Variants in TMCC1 observed in about 807,000 individuals in gnomAD.
The protein encoded by TMCC1 is transmembrane and coiled-coil domain family 1.
TMCC1 carries 15 observed loss-of-function variants against 52.4 expected under a neutral mutation model. The observed-to-expected ratio is 0.29, with a 90% CI of 0.19 to 0.44. TMCC1 has a LOEUF of 0.44. Among genes scored for constraint, TMCC1 ranks in the 20% least tolerant of loss-of-function variants. TMCC1 has a pLI of 1.00. For missense variants in TMCC1, 503 were observed against 806.0 expected, an observed-to-expected ratio of 0.62 and a Z score of 4.55; for synonymous variants, 279 against 301.9, an observed-to-expected ratio of 0.92 and a Z score of 0.79.
At chr3:129,750,716 A>AG (rs927670702) in intron 4 of TMCC1, among the ~76,000 whole-genome samples, 4 of 149,698 alleles carry the variant, frequency 2.7e-5, no homozygotes, top group African/African-American at 9.8e-5. Context: ...CTGGGACTAC[A>AG]GGGGCCTGCC....
chr3:129,759,585 GT>G lies in TMCC1; in HGVS notation c.576+68217del, dbSNP rs368094253. On this transcript the variant is annotated intron_variant, in intron 4 of 6. Transcript: ENST00000393238. ...GCCAGGCCTATGACCATTTTTGAGA[GT>G]TTTTTTTTTTTTTAAGAGACATGTT... Among the ~76,000 whole-genome samples the G allele has an allele frequency of 7.5e-4, 102 of 136,294 alleles. 1 individual carries two copies. The South Asian group carries it at 8.8e-3, about 12-fold the overall frequency. The allele number at this position is 136,294 out of a possible 152,430, so 89.4% of individuals were successfully genotyped here.
rs562761738 is a variant in TMCC1 at position 129,717,404 on chromosome 3, T to C, written c.577-46140A>G. On this transcript the variant is annotated intron_variant, in intron 4 of 6. Transcript: ENST00000393238. ...CTAGATTTTCCTCTTCTCTCATAGG[T>C]CAATCTTCTTCCTTTTCTTCTTCTC... Among the ~76,000 whole-genome samples the C allele has an allele frequency of 3.3e-5, 5 of 152,268 alleles. No homozygotes were observed. The East Asian group carries it at 7.7e-4, about 24-fold the overall frequency.
At chr3:129,759,846 T>C (rs1001197296) in intron 4 of TMCC1, among the ~76,000 whole-genome samples, 1 of 147,818 alleles carries the variant, frequency 6.8e-6, no homozygotes, top group African/African-American at 2.5e-5. Flanking sequence ...CTCAGCCTCC[T>C]GAGTAGCTGG....
In TMCC1 at chr3:129,710,770, ACT is replaced by A. The variant is rs200251680; in HGVS notation, c.577-39508_577-39507del. ...AAGAAGATATTGAATCTAATGGGAA[ACT>A]CTCTCTGTAAAAGACACTAAGTCCA... is the stretch of plus-strand genomic sequence containing the variant. On this transcript the variant is annotated intron_variant, in intron 4 of 6. Transcript: ENST00000393238. Among the ~76,000 whole-genome samples, 1,146 of 152,104 alleles carry A rather than the reference ACT, an allele frequency of 7.5e-3. 6 individuals carry two copies. The highest frequency in any genetic ancestry group is 0.011 in the Non-Finnish European group (748 of 67,982).
chr3:129,837,258 G>C (rs898586684), intron 2 of TMCC1, among the ~76,000 whole-genome samples: 1 of 151,976 alleles, frequency 6.6e-6, no homozygotes, highest in Non-Finnish European at 1.5e-5. Context: ...GAACATCACA[G>C]AACTCCCCTC....
intron 4 of TMCC1, among the ~76,000 whole-genome samples, chr3:129,769,370 C>T (rs909574184): frequency 1.3e-5 from 2 of 152,124 alleles, no homozygotes; most frequent in African/African-American, 2.4e-5. Context: ...GCTGGGATTA[C>T]AGGGGCACGA....
At chr3:129,750,156 A>C (rs536220232) in intron 4 of TMCC1, among the ~76,000 whole-genome samples, 2 of 152,150 alleles carry the variant, frequency 1.3e-5, no homozygotes, top group South Asian at 4.1e-4. Context: ...AATGTTTCAA[A>C]ATCTTGTCTC....
chr3:129,821,116 G>A (rs2058396787), intron 4 of TMCC1, among the ~76,000 whole-genome samples: 1 of 152,054 alleles, frequency 6.6e-6, no homozygotes, highest in African/African-American at 2.4e-5. Context: ...CTTTTTGACA[G>A]CCTGTATCAT....
At chr3:129,875,608 C>G (rs1209677259) in intron 2 of TMCC1, among the ~76,000 whole-genome samples, 1 of 148,458 alleles carries the variant, frequency 6.7e-6, no homozygotes, top group East Asian at 2.0e-4. Context: ...TCCACTAAAA[C>G]ATAAACTCCA....
chr3:129,890,850 T>A (rs1368950604), intron 1 of TMCC1, among the ~76,000 whole-genome samples: 2 of 152,246 alleles, frequency 1.3e-5, no homozygotes, highest in Admixed American at 6.5e-5. Flanking sequence ...TTTTGCCTCA[T>A]GCACTAACTT....
chr3:129,883,220 G>A (rs2061543877), intron 1 of TMCC1, among the ~76,000 whole-genome samples: 1 of 152,182 alleles, frequency 6.6e-6, no homozygotes, highest in Non-Finnish European at 1.5e-5. Flanking sequence ...GCTGAGGCAG[G>A]AGAATCGCTT....
chr3:129,850,700 G>A (rs947054320), intron 2 of TMCC1, among the ~76,000 whole-genome samples: 3 of 152,110 alleles, frequency 2.0e-5, no homozygotes, highest in Non-Finnish European at 4.4e-5. Flanking sequence ...TGGAAAATCA[G>A]GGGTCTCACA....
intron 4 of TMCC1, among the ~76,000 whole-genome samples, chr3:129,767,496 T>C (rs2054227688): frequency 1.3e-5 from 2 of 152,054 alleles, no homozygotes; most frequent in South Asian, 2.1e-4. Flanking sequence ...CCTCACCCTC[T>C]TGAGTAGCTA....
At position 129,738,141 on chromosome 3, in the gene TMCC1, G is replaced by A. The variant is rs375713176; in HGVS notation, c.577-66877C>T. 1.5e-4 allele frequency among the ~76,000 whole-genome samples: 23 copies of A among 151,932 alleles called. No homozygotes were observed. The East Asian group carries it at 1.9e-3, about 13-fold the overall frequency. On this transcript the variant is annotated intron_variant, in intron 4 of 6. Transcript: ENST00000393238. ...CAAAAATTAGCCAAGCGTGGTGGTG[G>A]GCACCTGTAACCCCAGCTACTCAGG...
chr3:129,864,890 G>A (rs994004065), intron 2 of TMCC1, among the ~76,000 whole-genome samples: 7 of 152,154 alleles, frequency 4.6e-5, no homozygotes, highest in Non-Finnish European at 1.0e-4. Flanking sequence ...AGAGGTGAAT[G>A]GTTTTAAAGA....
chr3:129,670,279 G>T, intron 5 of TMCC1, 51 bp downstream of exon 5: 1 of 1,546,514 alleles, frequency 6.5e-7, no homozygotes, highest in Non-Finnish European at 8.7e-7. Context: ...ATATCTAAAG[G>T]GAGGGGAACC....
chr3:129,802,851 C>T (rs2057271970), intron 4 of TMCC1, among the ~76,000 whole-genome samples: 1 of 152,228 alleles, frequency 6.6e-6, no homozygotes, highest in African/African-American at 2.4e-5. Flanking sequence ...GAAAGTCTCT[C>T]TAATCTTCTG....
chr3:129,778,606 A>C (rs1189763553), intron 4 of TMCC1, among the ~76,000 whole-genome samples: 4 of 149,286 alleles, frequency 2.7e-5, no homozygotes, highest in Non-Finnish European at 5.9e-5. Context: ...TCTCATCTTG[A>C]ATTGTCATCC....
chr3:129,790,308 T>C (rs1356593521), intron 4 of TMCC1, among the ~76,000 whole-genome samples: 1 of 152,220 alleles, frequency 6.6e-6, no homozygotes. Flanking sequence ...GGCATTTATC[T>C]TTCATGTTAG....
Sources: allele counts gnomAD v4.1 joint callset (sites outside exome capture counted in the v4.1 genomes callset), GRCh38; gene constraint gnomAD v4.1.1; transcripts MANE v1.5; gene names NCBI Gene and HGNC (gene_info 2026-07-23, HGNC 2026-07-21).